DDT: variants seen among roughly 807,000 people sequenced by gnomAD.
The protein encoded by DDT is D-dopachrome tautomerase.
DDT carries 4 observed loss-of-function variants against 2.5 expected under a neutral mutation model. The observed-to-expected ratio is 1.59, with a 90% CI of 0.78 to 3.63. DDT has a LOEUF of 3.63. Among genes scored for constraint, DDT ranks in the 30% most tolerant of loss-of-function variants. The probability of loss-of-function intolerance (pLI) is 0.01; values close to 1 mark genes in which losing one functional copy is unlikely to be tolerated. For synonymous variants in DDT, 11 were observed against 10.0 expected, an observed-to-expected ratio of 1.10 and a Z score of -0.19; for missense variants, 32 against 30.0, an observed-to-expected ratio of 1.07 and a Z score of -0.15.
intron 2 of DDT, chr22:23,972,250 T>C (rs2033920891): frequency 2.1e-6 from 2 of 963,862 alleles, no homozygotes; most frequent in Non-Finnish European, 2.5e-6. Context: ...AATGGGATCA[T>C]GAGTGTAAAG....
chr22:23,971,553 A>T lies in DDT; in HGVS notation c.355T>A (p.Ter119ArgextTer28). 6.2e-7 allele frequency: 1 copy of T among 1,614,146 alleles called. No homozygotes were observed. The highest frequency in any genetic ancestry group is 8.5e-7 in the Non-Finnish European group (1 of 1,180,000). Residue 119 changes from the stop codon to arginine (R), a stop_lost, in exon 3 of 3, where the codon TGA becomes AGA. Transcript: ENST00000398344. ...GKIGTVMTFL[*>R] ...GCCCTGGATCCCTCCGTGCCCAATC[A>T]TAAAAAAGTCATGACCGTCCCTATC...
At chr22:23,974,725 CCT>C (rs1273115863), upstream of DDT, 17 of 1,438 alleles carry the variant, frequency 0.012, no homozygotes, top group African/African-American at 0.038. Flanking sequence ...GGTGGGTTTC[CCT>C]CTCAAGCTTC....
chr22:23,973,165 G>C, intron 2 of DDT: 5 of 18,664 alleles, frequency 2.7e-4, no homozygotes, highest in Admixed American at 3.4e-4. Flanking sequence ...CGCTTCTTGT[G>C]GGGGAGGGAG....
chr22:23,971,675 C>G, intron 2 of DDT, 52 bp from the exon 3 acceptor site: 2 of 1,539,570 alleles, frequency 1.3e-6, no homozygotes, highest in Non-Finnish European at 8.9e-7. Flanking sequence ...AATACCACAT[C>G]TTGCAAGACC....
At chr22:23,971,702 A>G (rs1255171761) in intron 2 of DDT, 79 bp from the exon 3 acceptor site, 2 of 1,318,658 alleles carry the variant, frequency 1.5e-6, no homozygotes, top group Non-Finnish European at 2.1e-6. Context: ...AGGTACTCCC[A>G]CTGTGGGTAC....
At chr22:23,972,776 C>T in intron 2 of DDT, 1 of 584,394 alleles carries the variant, frequency 1.7e-6, no homozygotes, top group Non-Finnish European at 2.0e-6. Flanking sequence ...CTCACTGTCA[C>T]ACAGGATGGA....
intron 2 of DDT, chr22:23,972,569 T>A: frequency 4.8e-6 from 5 of 1,051,286 alleles, no homozygotes; most frequent in Non-Finnish European, 5.8e-6. Flanking sequence ...ATAGATGCAA[T>A]TATCAATTTT....
At chr22:23,973,155 C>T in intron 2 of DDT, 1 of 15,702 alleles carries the variant, frequency 6.4e-5, no homozygotes. Flanking sequence ...GGGTTGCAGA[C>T]GCTTCTTGTG....
intron 2 of DDT, chr22:23,972,118 G>A (rs1342054778): frequency 7.3e-6 from 7 of 963,792 alleles, no homozygotes; most frequent in South Asian, 4.8e-5. Flanking sequence ...TGGTTGGGGC[G>A]GGCGGGAGTA....
rs139852514 is a variant in DDT at position 23,971,684 on chromosome 22, C to T, written c.285-61G>A. Reference sequence around the variant, plus strand: ...TTGGCTAATACCACATCTTGCAAGACCCCTGCCAGGTACTCCCACTGTGGG... The same window carrying T: ...TTGGCTAATACCACATCTTGCAAGATCCCTGCCAGGTACTCCCACTGTGGG... On this transcript the variant is annotated intron_variant, in intron 2 of 2. Transcript: ENST00000398344. The T allele has an allele frequency of 7.3e-6, 11 of 1,500,608 alleles. No homozygotes were observed. The East Asian group carries it at 2.5e-4, about 34-fold the overall frequency. 93.0% of individuals were successfully genotyped at this position (1,500,608 alleles called of 1,614,324 possible).
chr22:23,971,794 C>G (rs2033909739), intron 2 of DDT, 171 bp from the exon 3 acceptor site: 2 of 634,800 alleles, frequency 3.2e-6, no homozygotes, highest in South Asian at 2.0e-5. Context: ...CCCAGCAGGG[C>G]AGTGGGACAC....
At position 23,972,664 on chromosome 22, in the gene DDT, C is replaced by A. The variant is rs1207798063; in HGVS notation, c.285-1041G>T. ...ACAGGGGGCTGACTGTATTATTCCT[C>A]TGTAGCTTGAGGGAGGACCCAGCAG... is the stretch of plus-strand genomic sequence containing the variant. On this transcript the variant is annotated intron_variant, in intron 2 of 2. Transcript: ENST00000398344. 1.6e-3 allele frequency: 1,154 copies of A among 733,888 alleles called. 3 individuals carry two copies. The East Asian group carries it at 0.022, about 14-fold the overall frequency. The allele number at this position is 733,888 out of a possible 1,614,324, so 45.5% of individuals were successfully genotyped here. A position where few individuals can be genotyped will look rare whatever the true frequency, so the allele number is the denominator to read the frequency against.
intron 2 of DDT, 75 bp from the exon 3 acceptor site, chr22:23,971,698 TC>T: frequency 7.3e-7 from 1 of 1,376,392 alleles, no homozygotes; most frequent in Non-Finnish European, 1.0e-6. Flanking sequence ...TGCCAGGTAC[TC>T]CCACTGTGGG....
chr22:23,971,753 C>T, intron 2 of DDT, 130 bp from the exon 3 acceptor site: 2 of 759,516 alleles, frequency 2.6e-6, no homozygotes, highest in Non-Finnish European at 2.1e-6. Flanking sequence ...TTTTGCAAAC[C>T]TGCTCATCCC....
intron 2 of DDT, chr22:23,972,099 G>T: frequency 1.1e-6 from 1 of 898,600 alleles, no homozygotes; most frequent in Non-Finnish European, 1.3e-6. Context: ...ACCAGAACTT[G>T]GGACAGCCTG....
At chr22:23,971,884 C>T (rs1267236706) in intron 2 of DDT, 7 of 460,296 alleles carry the variant, frequency 1.5e-5, no homozygotes, top group African/African-American at 9.8e-5. Flanking sequence ...GTGTGCCGTA[C>T]ACTCTATCAT....
intron 2 of DDT, 158 bp from the exon 3 acceptor site, chr22:23,971,781 A>G: frequency 1.5e-6 from 1 of 668,156 alleles, no homozygotes; most frequent in South Asian, 1.9e-5. Flanking sequence ...ATTTTCCCCA[A>G]CCCCCAGCAG....
At chr22:23,971,962 T>C in intron 2 of DDT, 1 of 222,264 alleles carries the variant, frequency 4.5e-6, no homozygotes, top group Non-Finnish European at 8.4e-6. Flanking sequence ...GCACAGTACC[T>C]CAGCCACCTG....
intron 2 of DDT, chr22:23,972,403 T>C (rs1213872853): frequency 6.1e-6 from 1 of 162,862 alleles, no homozygotes; most frequent in Non-Finnish European, 1.2e-5. Context: ...TTACATAAAA[T>C]GGTGTAATAT....
Sources: allele counts gnomAD v4.1 joint callset, GRCh38; gene constraint gnomAD v4.1.1; transcripts MANE v1.5; gene names NCBI Gene and HGNC (gene_info 2026-07-23, HGNC 2026-07-21).